The following RSAD2 variants were observed in gnomAD, a reference collection of about 807,000 sequenced individuals.
RSAD2 encodes the protein S-adenosylmethionine-dependent nucleotide dehydratase RSAD2.
RSAD2 carries 38 observed loss-of-function variants against 37.7 expected under a neutral mutation model. The observed-to-expected ratio is 1.01, with a 90% CI of 0.78 to 1.32. The LOEUF is 1.32. Ranked by LOEUF, RSAD2 falls within the 40% of genes most tolerant of loss-of-function variation. The probability of loss-of-function intolerance (pLI) is 0.00; values close to 1 mark genes in which losing one functional copy is unlikely to be tolerated. For missense variants in RSAD2, 428 were observed against 437.5 expected (o/e 0.98, Z 0.19); for synonymous variants, 163 against 157.4 (o/e 1.04, Z -0.27).
At chr2:6,894,867 G>A (rs538101932) in intron 5 of RSAD2, among the ~76,000 whole-genome samples, 3 of 152,350 alleles carry the variant, frequency 2.0e-5, no homozygotes, top group African/African-American at 7.2e-5. Context: ...TAGTTTCTGG[G>A]TCCAAGGTAG....
At chr2:6,878,206 C>G in intron 1 of RSAD2, 60 bp downstream of exon 1, 1 of 1,420,558 alleles carries the variant, frequency 7.0e-7, no homozygotes, top group Non-Finnish European at 9.7e-7. Context: ...TGGGGTAAGG[C>G]GAGAAGGGGC....
Position 6,871,189 on chromosome 2 carries a change from T to G in RSAD2, c.142+5144T>G, listed in dbSNP as rs145402620. Reference sequence around the variant, plus strand: ...GAGCACATTAGTGAAATAGAAAGATTAGCGCTTGCAGGACCAACACCAAAG... The same window carrying G: ...GAGCACATTAGTGAAATAGAAAGATGAGCGCTTGCAGGACCAACACCAAAG... On this transcript the variant is annotated intron_variant, in intron 1 of 5. Coordinates refer to the RSAD2 transcript ENST00000442639. Among the ~76,000 whole-genome samples, 229 of 152,304 alleles carry G rather than the reference T, an allele frequency of 1.5e-3. 1 individual carries two copies. Among genetic ancestry groups the G allele is most frequent in the African/African-American group, 5.4e-3 (223 of 41,560 alleles).
chr2:6,883,627 G>T, intron 2 of RSAD2, 95 bp downstream of exon 2: 2 of 1,432,724 alleles, frequency 1.4e-6, no homozygotes, highest in South Asian at 2.5e-5. Context: ...AGCCAGGCCT[G>T]CTGAGGAACT....
intron 1 of RSAD2, among the ~76,000 whole-genome samples, chr2:6,881,607 C>T (rs2103241801): frequency 6.6e-6 from 1 of 152,322 alleles, no homozygotes; most frequent in South Asian, 2.1e-4. Flanking sequence ...TATGGTGAGG[C>T]CAGATACAGA....
chr2:6,884,998 G>C (rs940970545), intron 2 of RSAD2, among the ~76,000 whole-genome samples: 2 of 152,206 alleles, frequency 1.3e-5, no homozygotes, highest in African/African-American at 4.8e-5. Flanking sequence ...ATGGGTCTAT[G>C]TGTTGAGTGG....
chr2:6,895,949 A>G lies in RSAD2; in HGVS notation c.*7A>G, dbSNP rs1356985396. The stretch of plus-strand genomic sequence containing the variant: ...TCTGAAGCTGGATTGGTAGAGCGGA[A>G]AGTGGAACGAGACTTCAACACACCA... On this transcript the variant is annotated 3_prime_UTR_variant, in exon 6 of 6. Transcript: ENST00000382040. 6.2e-7 allele frequency: 1 copy of G among 1,612,514 alleles called. No homozygotes were observed. The highest frequency in any genetic ancestry group is 1.1e-5 in the South Asian group (1 of 90,936).
chr2:6,869,591 G>T (rs1333806681), intron 1 of RSAD2, among the ~76,000 whole-genome samples: 2 of 152,190 alleles, frequency 1.3e-5, no homozygotes, highest in Non-Finnish European at 2.9e-5. Flanking sequence ...AATATACAAT[G>T]AATTTCTACA....
chr2:6,866,598 A>G, intron 1 of RSAD2: 1 of 310,456 alleles, frequency 3.2e-6, no homozygotes, highest in Non-Finnish European at 4.7e-6. Context: ...GCCACAGTCC[A>G]GCATCAGCAC....
At chr2:6,880,002 G>A (rs1272385050) in intron 1 of RSAD2, among the ~76,000 whole-genome samples, 4 of 151,980 alleles carry the variant, frequency 2.6e-5, no homozygotes, top group Non-Finnish European at 5.9e-5. Context: ...TCAAAAGTTG[G>A]TACAAGGCAC....
At chr2:6,894,291 C>T (rs112134148) in intron 5 of RSAD2, among the ~76,000 whole-genome samples, 3 of 97,316 alleles carry the variant, frequency 3.1e-5, no homozygotes, top group African/African-American at 8.8e-5. Flanking sequence ...CCCCTTTCCT[C>T]TGTCTTTTTT....
At chr2:6,888,240 G>C (rs1663561230) in intron 3 of RSAD2, among the ~76,000 whole-genome samples, 1 of 152,188 alleles carries the variant, frequency 6.6e-6, no homozygotes, top group African/African-American at 2.4e-5. Context: ...TCCTGAAGCT[G>C]TCCTGTAATA....
intron 1 of RSAD2, among the ~76,000 whole-genome samples, chr2:6,868,787 G>T (rs1301983251): frequency 6.6e-6 from 1 of 152,182 alleles, no homozygotes; most frequent in Non-Finnish European, 1.5e-5. Context: ...TGCCATAACA[G>T]GTCCAGCTGC....
At chr2:6,866,937 G>A (rs776933041) in intron 1 of RSAD2, among the ~76,000 whole-genome samples, 5 of 152,040 alleles carry the variant, frequency 3.3e-5, no homozygotes, top group Non-Finnish European at 5.9e-5. Context: ...TGGGTTAATA[G>A]GCTAAGAAGA....
chr2:6,867,573 C>A (rs936829708), intron 1 of RSAD2, among the ~76,000 whole-genome samples: 10 of 152,102 alleles, frequency 6.6e-5, no homozygotes, highest in South Asian at 6.2e-4. Flanking sequence ...TAGCCTATAA[C>A]CCCCCACATA....
At chr2:6,890,033 C>T in intron 3 of RSAD2, 143 bp from the exon 4 acceptor site, 1 of 682,864 alleles carries the variant, frequency 1.5e-6, no homozygotes, top group African/African-American at 1.8e-5. Context: ...TTCATTTCCC[C>T]AAAGTAATAT....
intron 4 of RSAD2, among the ~76,000 whole-genome samples, chr2:6,892,157 T>C (rs1015313026): frequency 6.6e-6 from 1 of 152,186 alleles, no homozygotes; most frequent in African/African-American, 2.4e-5. Flanking sequence ...AAAATACATA[T>C]ACAGGAAAAT....
In RSAD2 at chr2:6,886,869, G is replaced by A. The variant is rs1259472952; in HGVS notation, c.509-66G>A. 1.0e-5 allele frequency: 12 copies of A among 1,155,944 alleles called. No homozygotes were observed. The East Asian group carries it at 2.6e-4, about 25-fold the overall frequency. 71.6% of individuals were successfully genotyped at this position (1,155,944 alleles called of 1,614,324 possible). On this transcript the variant is annotated intron_variant, in intron 2 of 5. Coordinates refer to ENST00000382040, the MANE Select transcript of RSAD2 (RefSeq NM_080657.5). ...AAACAAGATATATTTTATCACAAGAGATCTAAATAGCCCAAGGGGCTTGGT... is the reference window on the plus strand; with the variant it reads ...AAACAAGATATATTTTATCACAAGAAATCTAAATAGCCCAAGGGGCTTGGT...
chr2:6,897,994 C>CAAAAAA lies in RSAD2; in HGVS notation c.*2067_*2072dup, dbSNP rs3085176. The CAAAAAA allele has an allele frequency of 4.4e-5, 3 of 68,326 alleles. No homozygotes were observed. Among genetic ancestry groups the CAAAAAA allele is most frequent in the African/African-American group, 5.8e-5 (1 of 17,174 alleles). The allele number at this position is 68,326 out of a possible 1,614,324, so 4.2% of individuals were successfully genotyped here. A position where few individuals can be genotyped will look rare whatever the true frequency, so the allele number is the denominator to read the frequency against. On this transcript the variant is annotated 3_prime_UTR_variant, in exon 6 of 6. Transcript: ENST00000382040. ...TGGATGACAGAGCAAGACTCCGTCT[C>CAAAAAA]AAAAAAAAAAAAAAAAAAAAGCAAG...
rs1663537655 is a variant in RSAD2 at position 6,887,096 on chromosome 2, AT to A, written c.672del (p.Asn225IlefsTer9). On this transcript the variant is annotated frameshift_variant, in exon 3 of 6. Coordinates refer to ENST00000382040, the MANE Select transcript of RSAD2 (RefSeq NM_080657.5). LOFTEE classifies it high-confidence loss of function. ...YRVAFKINSV[I>X]NRFNVEEDMT... ...AGTCGCTTTCAAGATAAATTCTGTC[AT>A]TAATCGTTTCAACGTGGAAGAGGAC... The A allele has an allele frequency of 1.2e-6, 2 of 1,614,066 alleles. No homozygotes were observed. The highest frequency in any genetic ancestry group is 1.7e-6 in the Non-Finnish European group (2 of 1,179,918).
Sources: allele counts gnomAD v4.1 joint callset (sites outside exome capture counted in the v4.1 genomes callset), GRCh38; gene constraint gnomAD v4.1.1; transcripts MANE v1.5; gene names NCBI Gene and HGNC (gene_info 2026-07-23, HGNC 2026-07-21).